The following SPACA6 variants were observed in gnomAD, a reference collection of about 807,000 sequenced individuals.
SPACA6 encodes sperm acrosome membrane-associated protein 6.
For missense variants in SPACA6, 8 were observed against 2.8 expected, an observed-to-expected ratio of 2.88 and a Z score of -1.34; for synonymous variants, 6 against 1.5, an observed-to-expected ratio of 4.05 and a Z score of -2.21.
intron 2 of SPACA6, among the ~76,000 whole-genome samples, chr19:51,701,352 C>T (rs761541213): frequency 6.6e-6 from 1 of 152,132 alleles, no homozygotes; most frequent in Non-Finnish European, 1.5e-5. Context: ...CCTTCTCCCC[C>T]CAACAAGCTA....
chr19:51,688,607 G>T (rs904921279), upstream of SPACA6: 9 of 152,608 alleles, frequency 5.9e-5, no homozygotes, highest in African/African-American at 2.2e-4. Flanking sequence ...GAGCAGGAAG[G>T]GGGAGAGAGA....
downstream of SPACA6, among the ~76,000 whole-genome samples, chr19:51,708,857 C>CT (rs2083528782): frequency 6.8e-6 from 1 of 146,048 alleles, no homozygotes. Context: ...GAGACTCTGT[C>CT]TAAAAAAAAA....
chr19:51,691,829 C>T (rs887370501), upstream of SPACA6, among the ~76,000 whole-genome samples: 7 of 151,858 alleles, frequency 4.6e-5, no homozygotes, highest in Non-Finnish European at 1.0e-4. Flanking sequence ...GGTGCTGGGT[C>T]CCGGGGTCCA....
chr19:51,691,473 G>T (rs1600131486), upstream of SPACA6, among the ~76,000 whole-genome samples: 1 of 150,534 alleles, frequency 6.6e-6, no homozygotes, highest in East Asian at 2.0e-4. Flanking sequence ...GGGGGAAGGG[G>T]GAGAAGGGGA....
upstream of SPACA6, chr19:51,692,919 C>G (rs2083388193): frequency 1.9e-6 from 1 of 525,134 alleles, no homozygotes; most frequent in African/African-American, 1.9e-5. This position sits in a 1 kb window ranked among gnomAD's most constrained non-coding sequence, Gnocchi z 5.6. Context: ...ACTCAGGGAC[C>G]CTTAGCCCCA....
At position 51,703,881 on chromosome 19, in the gene SPACA6, G is replaced by A. The variant is rs1196950612; in HGVS notation, c.574-149G>A. 1 of 396,804 alleles carries A rather than the reference G, an allele frequency of 2.5e-6. No homozygotes were observed. Among genetic ancestry groups the A allele is most frequent in the Non-Finnish European group, 4.4e-6 (1 of 225,722 alleles). The allele number at this position is 396,804 out of a possible 1,614,324, so 24.6% of individuals were successfully genotyped here. On this transcript the variant is annotated intron_variant, in intron 6 of 8. Coordinates refer to ENST00000637797, the MANE Select transcript of SPACA6 (RefSeq NM_001316972.2). The surrounding 1 kb of genome is among the most constrained non-coding windows in gnomAD (Gnocchi z 4.2). ...TTTAAGGAGTGAGGGGAAGGGGTGCGTTTAGGGCAGGGGAGCGAGAAGGCT... is the reference window on the plus strand; with the variant it reads ...TTTAAGGAGTGAGGGGAAGGGGTGCATTTAGGGCAGGGGAGCGAGAAGGCT...
At chr19:51,693,887 G>A (rs535002870) in intron 1 of SPACA6, 147 bp downstream of exon 1, 36 of 397,274 alleles carry the variant, frequency 9.1e-5, no homozygotes, top group Admixed American at 1.8e-4. Context: ...CAGAGACTTA[G>A]GGACAGAGAG....
chr19:51,692,077 A>G (rs1254040051), upstream of SPACA6, among the ~76,000 whole-genome samples: 1 of 139,278 alleles, frequency 7.2e-6, no homozygotes, highest in South Asian at 2.6e-4. This position sits in a 1 kb window ranked among gnomAD's most constrained non-coding sequence, Gnocchi z 5.6. Context: ...AAATGACCCA[A>G]AGAAGGGAGG....
At chr19:51,682,862 G>A in the SPACA6 span, among the ~76,000 whole-genome samples, 1 of 152,108 alleles carries the variant, frequency 6.6e-6, no homozygotes, top group African/African-American at 2.4e-5. Context: ...AGCCAACATG[G>A]TAAGATCCTG....
downstream of SPACA6, among the ~76,000 whole-genome samples, chr19:51,709,184 G>T (rs1484851868): frequency 5.3e-5 from 8 of 150,058 alleles, no homozygotes; most frequent in Admixed American, 2.0e-4. Context: ...CATCACTGCA[G>T]TCCAACCTGG....
chr19:51,702,578 A>G, intron 3 of SPACA6, 51 bp from the exon 4 acceptor site: 1 of 173,008 alleles, frequency 5.8e-6, no homozygotes, highest in Non-Finnish European at 9.4e-6. Context: ...AGCATCGGGC[A>G]AGGGTTCTTC....
At chr19:51,698,750 G>A (rs1313693603) in intron 2 of SPACA6, among the ~76,000 whole-genome samples, 2 of 152,170 alleles carry the variant, frequency 1.3e-5, no homozygotes, top group East Asian at 3.8e-4. Context: ...TAATCACAGA[G>A]GACGCTTTCC....
upstream of SPACA6, chr19:51,685,642 G>C (rs1444015387): frequency 6.6e-6 from 1 of 152,142 alleles, no homozygotes; most frequent in African/African-American, 2.4e-5. Flanking sequence ...CTCCCTAGTA[G>C]CTGGGAGAAG....
At chr19:51,694,967 G>A (rs2083416160) in intron 2 of SPACA6, among the ~76,000 whole-genome samples, 2 of 152,084 alleles carry the variant, frequency 1.3e-5, no homozygotes, top group African/African-American at 4.8e-5. Context: ...CTCAGTGCAG[G>A]GGTTGGGGCT....
chr19:51,706,204 T>C (rs191498668), downstream of SPACA6, among the ~76,000 whole-genome samples: 322 of 152,240 alleles, frequency 2.1e-3, 1 homozygote, highest in African/African-American at 7.5e-3. Flanking sequence ...CTCTGGCCTT[T>C]CCTCCTTCCT....
downstream of SPACA6, among the ~76,000 whole-genome samples, chr19:51,709,130 G>A (rs1006021285): frequency 2.6e-5 from 4 of 151,706 alleles, no homozygotes; most frequent in Non-Finnish European, 4.4e-5. Flanking sequence ...TTGGGGGACC[G>A]AGGCTTGAGC....
chr19:51,694,493 G>T lies in SPACA6; in HGVS notation c.230G>T (p.Ser77Ile). The T allele has an allele frequency of 2.5e-6, 1 of 399,820 alleles. No homozygotes were observed. Among genetic ancestry groups the T allele is most frequent in the Non-Finnish European group, 4.4e-6 (1 of 226,608 alleles). The allele number at this position is 399,820 out of a possible 1,614,324, so 24.8% of individuals were successfully genotyped here. A position where few individuals can be genotyped will look rare whatever the true frequency, so the allele number is the denominator to read the frequency against. Residue 77 changes from serine to isoleucine, a missense_variant, in exon 2 of 9, where the codon AGC becomes ATC. Ser to Ile is a moderately radical substitution (Grantham distance 142). Coordinates refer to ENST00000637797, the MANE Select transcript of SPACA6 (RefSeq NM_001316972.2). Reference sequence around the variant, plus strand: ...TCACCGCCAGACTATGATGAGAGAAGCCACCTGCATGACACCTTCACCCAG... The same window carrying T: ...TCACCGCCAGACTATGATGAGAGAATCCACCTGCATGACACCTTCACCCAG... The part of the protein sequence containing the change: ...SDTEINYDER[S>I]HLHDTFTQMT...
chr19:51,698,863 G>A (rs1057053603), intron 2 of SPACA6, among the ~76,000 whole-genome samples: 13 of 152,118 alleles, frequency 8.5e-5, no homozygotes, highest in Non-Finnish European at 1.6e-4. Flanking sequence ...TCCATTTCTT[G>A]GGGATCCAAG....
upstream of SPACA6, chr19:51,692,627 A>T (rs1474818571): frequency 1.9e-6 from 1 of 531,054 alleles, no homozygotes; most frequent in East Asian, 5.5e-5. The surrounding 1 kb of genome is among the most constrained non-coding windows in gnomAD (Gnocchi z 5.6). Context: ...CCACCCGTAG[A>T]ACCGACCTTG....
Sources: allele counts gnomAD v4.1 joint callset (sites outside exome capture counted in the v4.1 genomes callset), GRCh38; gene constraint gnomAD v4.1.1; non-coding constraint Gnocchi (gnomAD v3.1); transcripts MANE v1.5; gene names NCBI Gene and HGNC (gene_info 2026-07-23, HGNC 2026-07-21).